SLC30A8: variants seen among roughly 807,000 people sequenced by gnomAD.
SLC30A8 encodes the protein proton-coupled zinc antiporter SLC30A8.
A neutral mutation model predicts 36.9 loss-of-function variants in SLC30A8; 27 were observed. That is an observed-to-expected ratio of 0.73 (90% CI 0.54 to 1.01). The LOEUF is 1.01. SLC30A8 is among the 50% of genes least tolerant of loss of function. The probability of loss-of-function intolerance (pLI) is 0.00; values close to 1 mark genes in which losing one functional copy is unlikely to be tolerated. For synonymous variants in SLC30A8, 164 were observed against 172.4 expected (o/e 0.95, Z 0.38); for missense variants, 439 against 452.0 (o/e 0.97, Z 0.26).
intron 1 of SLC30A8, among the ~76,000 whole-genome samples, chr8:117,138,154 G>A (rs1821457035): frequency 6.6e-6 from 1 of 151,712 alleles, no homozygotes; most frequent in South Asian, 2.1e-4. Context: ...TTGGTGCTAG[G>A]TGGAAGGGAT....
intron 1 of SLC30A8, among the ~76,000 whole-genome samples, chr8:117,143,977 CT>C (rs1366564148): frequency 6.6e-6 from 1 of 152,094 alleles, no homozygotes; most frequent in African/African-American, 2.4e-5. Flanking sequence ...TGGTCACTGA[CT>C]ACTTGGCTTT....
At chr8:117,035,811 C>T (rs1196729292) in intron 1 of SLC30A8, among the ~76,000 whole-genome samples, 1 of 152,158 alleles carries the variant, frequency 6.6e-6, no homozygotes. Flanking sequence ...GGCCCAGCAC[C>T]ACGTGGAAGC....
rs183812997 is a variant in SLC30A8 at position 117,031,031 on chromosome 8, C to T, written c.-265-8188C>T. ...ACAACAACAAAAATCCTGATCTTCT[C>T]GGAATTTTTGTGATAAAGATTTTGA... is the stretch of plus-strand genomic sequence containing the variant. On this transcript the variant is annotated intron_variant, in intron 1 of 10. Transcript: ENST00000427715. Among the ~76,000 whole-genome samples, 48 of 152,248 alleles carry T rather than the reference C, an allele frequency of 3.2e-4. No homozygotes were observed. In the East Asian group the frequency reaches 5.8e-3, roughly 18 times the overall value.
In SLC30A8 at chr8:117,161,651, T is replaced by A. The variant is rs147809053; in HGVS notation, c.573-87T>A. Reference sequence around the variant, plus strand: ...TTCAACTATCCATCATTTTGGATAATGCATGTTATTGCCAGCTTCTCCATT... The same window carrying A: ...TTCAACTATCCATCATTTTGGATAAAGCATGTTATTGCCAGCTTCTCCATT... On this transcript the variant is annotated intron_variant, in intron 4 of 7. Coordinates refer to ENST00000456015, the MANE Select transcript of SLC30A8 (RefSeq NM_173851.3). 8 of 1,282,634 alleles carry A rather than the reference T, an allele frequency of 6.2e-6. No homozygotes were observed. The East Asian group carries it at 1.9e-4, about 31-fold the overall frequency. 79.5% of individuals were successfully genotyped at this position (1,282,634 alleles called of 1,614,324 possible).
chr8:116,953,699 T>A (rs1382002388), intron 1 of SLC30A8, among the ~76,000 whole-genome samples: 1 of 152,148 alleles, frequency 6.6e-6, no homozygotes, highest in African/African-American at 2.4e-5. Flanking sequence ...TGACTTTCCC[T>A]GCTCTGCTGG....
intron 2 of SLC30A8, among the ~76,000 whole-genome samples, chr8:117,072,066 T>C (rs1818348973): frequency 6.6e-6 from 1 of 152,190 alleles, no homozygotes; most frequent in African/African-American, 2.4e-5. Flanking sequence ...TAACATACGA[T>C]TGGAGGGCTG....
intron 1 of SLC30A8, among the ~76,000 whole-genome samples, chr8:117,020,276 G>A (rs1161294987): frequency 6.6e-6 from 1 of 151,976 alleles, no homozygotes; most frequent in East Asian, 1.9e-4. Flanking sequence ...ATTCTACAAT[G>A]AAAAGCCAAT....
chr8:117,022,956 A>G (rs7013929), intron 1 of SLC30A8, among the ~76,000 whole-genome samples: 65,689 of 152,032 alleles, frequency 0.43, 14,782 homozygotes, highest in East Asian at 0.55. Flanking sequence ...AGAATGGGAG[A>G]AAATTTTTGC....
At chr8:117,169,867 A>G (rs1011792635) in intron 6 of SLC30A8, among the ~76,000 whole-genome samples, 1 of 152,160 alleles carries the variant, frequency 6.6e-6, no homozygotes, top group African/African-American at 2.4e-5. Flanking sequence ...AACACCTCCC[A>G]CCAGGCCCCA....
At chr8:117,081,359 T>C (rs1797481497) in intron 2 of SLC30A8, among the ~76,000 whole-genome samples, 1 of 152,196 alleles carries the variant, frequency 6.6e-6, no homozygotes, top group South Asian at 2.1e-4. Flanking sequence ...CCACTCTCCT[T>C]GGCTTGCAGA....
intron 2 of SLC30A8, among the ~76,000 whole-genome samples, chr8:117,084,486 T>C (rs1245073840): frequency 6.6e-6 from 1 of 152,170 alleles, no homozygotes; most frequent in Non-Finnish European, 1.5e-5. Flanking sequence ...GATGCAACCA[T>C]TTCTCTTTTA....
At chr8:117,082,597 A>C (rs984311294) in intron 2 of SLC30A8, among the ~76,000 whole-genome samples, 4 of 152,174 alleles carry the variant, frequency 2.6e-5, no homozygotes, top group Non-Finnish European at 5.9e-5. Flanking sequence ...TGTGAAGATA[A>C]GAGTAGACAA....
At chr8:117,029,301 T>C (rs1435372565) in intron 1 of SLC30A8, among the ~76,000 whole-genome samples, 1 of 152,218 alleles carries the variant, frequency 6.6e-6, no homozygotes, top group Non-Finnish European at 1.5e-5. Flanking sequence ...CTTGCAATTG[T>C]CATAAGAAAT....
chr8:116,977,898 A>G (rs1815108836), intron 1 of SLC30A8, among the ~76,000 whole-genome samples: 1 of 152,056 alleles, frequency 6.6e-6, no homozygotes, highest in East Asian at 1.9e-4. Flanking sequence ...CTCAGCTCTG[A>G]TGGTTATATT....
chr8:117,046,790 G>C (rs753577243), intron 2 of SLC30A8, among the ~76,000 whole-genome samples: 4 of 152,120 alleles, frequency 2.6e-5, no homozygotes, highest in Non-Finnish European at 5.9e-5. Flanking sequence ...TCCACTCTAC[G>C]GATTTCCTGC....
chr8:117,142,082 A>C (rs1398896810), intron 1 of SLC30A8, among the ~76,000 whole-genome samples: 1 of 152,138 alleles, frequency 6.6e-6, no homozygotes, highest in Non-Finnish European at 1.5e-5. Context: ...TCTATACTGC[A>C]CTGCCTGCCA....
At chr8:117,171,449 A>G (rs981440602) in intron 7 of SLC30A8, among the ~76,000 whole-genome samples, 2 of 152,274 alleles carry the variant, frequency 1.3e-5, no homozygotes, top group East Asian at 1.9e-4. Flanking sequence ...GACTCTGAAT[A>G]TTCAACTTCA....
intron 2 of SLC30A8, among the ~76,000 whole-genome samples, chr8:117,044,858 G>A (rs1474008846): frequency 6.6e-6 from 1 of 152,190 alleles, no homozygotes; most frequent in African/African-American, 2.4e-5. Context: ...GCGGAGCCCT[G>A]GCTTCAAACG....
At chr8:117,123,763 A>G (rs951367715) in intron 2 of SLC30A8, among the ~76,000 whole-genome samples, 1 of 152,040 alleles carries the variant, frequency 6.6e-6, no homozygotes, top group Admixed American at 6.6e-5. Context: ...TTCTTAATGT[A>G]CTTCACATTA....
Sources: allele counts gnomAD v4.1 joint callset (sites outside exome capture counted in the v4.1 genomes callset), GRCh38; gene constraint gnomAD v4.1.1; transcripts MANE v1.5; gene names NCBI Gene and HGNC (gene_info 2026-07-23, HGNC 2026-07-21).